KCNMB2: variants seen among roughly 807,000 people sequenced by gnomAD.
KCNMB2 encodes the protein calcium-activated potassium channel subunit beta-2.
A neutral mutation model predicts 24.5 loss-of-function variants in KCNMB2; 9 were observed. The observed-to-expected ratio is 0.37, with a 90% CI of 0.22 to 0.64. The LOEUF (loss-of-function observed/expected upper bound fraction) is 0.64, where lower values mean the gene tolerates loss of function less well. KCNMB2 is among the 30% of genes least tolerant of loss of function. The pLI is 0.63. For synonymous variants in KCNMB2, 109 were observed against 104.4 expected (o/e 1.04, Z -0.27); for missense variants, 226 against 284.3 (o/e 0.79, Z 1.47).
intron 1 of KCNMB2, among the ~76,000 whole-genome samples, chr3:178,691,791 T>C (rs1487293983): frequency 1.3e-5 from 2 of 152,246 alleles, no homozygotes; most frequent in East Asian, 1.9e-4. Context: ...TTGGGTGGAA[T>C]GGTATTTCTG....
chr3:178,645,821 G>T lies in KCNMB2; in HGVS notation c.-68+109110G>T, dbSNP rs112935546. Among the ~76,000 whole-genome samples, 83 of 152,208 alleles carry T rather than the reference G, an allele frequency of 5.5e-4. 1 individual carries two copies. The highest frequency in any genetic ancestry group is 2.0e-3 in the African/African-American group (81 of 41,512). ...ATATGGGTGAGGCACAGCATGAAAGGGTCTGCGAAACATATGTGTCCAAAA... is the reference window on the plus strand; with the variant it reads ...ATATGGGTGAGGCACAGCATGAAAGTGTCTGCGAAACATATGTGTCCAAAA... On this transcript the variant is annotated intron_variant, in intron 1 of 4. Transcript: ENST00000452583.
At chr3:178,775,020 G>C (rs528831190) in intron 1 of KCNMB2, among the ~76,000 whole-genome samples, 78 of 152,278 alleles carry the variant, frequency 5.1e-4, no homozygotes, top group African/African-American at 1.8e-3. Context: ...GTATAGATCT[G>C]CTATCAGAAA....
Position 178,843,258 on chromosome 3 carries a change from T to A in KCNMB2, c.*321T>A, listed in dbSNP as rs1472582127. 2 of 481,606 alleles carry A rather than the reference T, an allele frequency of 4.2e-6. No homozygotes were observed. The highest frequency in any genetic ancestry group is 1.9e-5 in the African/African-American group (1 of 51,282). 29.8% of individuals were successfully genotyped at this position (481,606 alleles called of 1,614,324 possible). A position where few individuals can be genotyped will look rare whatever the true frequency, so the allele number is the denominator to read the frequency against. On this transcript the variant is annotated 3_prime_UTR_variant, in exon 5 of 5. Transcript: ENST00000452583. ...GCTTCGTGGAGGAATGTAGGTGACA[T>A]CAATGTGATAAAGTCTGTGTTCTGA...
rs546590650 is a variant in KCNMB2, at chr3:178,798,653, T to C, written c.-67-8690T>C. On this transcript the variant is annotated intron_variant, in intron 1 of 4. Coordinates refer to ENST00000452583, the MANE Select transcript of KCNMB2 (RefSeq NM_181361.3). The stretch of plus-strand genomic sequence containing the variant: ...AAAACCAAGCACTGCATGTTCTCAC[T>C]TATAAGTGAGAGCTGAACAATGGGA... Among the ~76,000 whole-genome samples the C allele has an allele frequency of 4.6e-5, 7 of 152,154 alleles. No homozygotes were observed. In the South Asian group the frequency reaches 1.5e-3, roughly 32 times the overall value.
At chr3:178,565,612 G>A (rs981873025) in intron 1 of KCNMB2, among the ~76,000 whole-genome samples, 6 of 152,182 alleles carry the variant, frequency 3.9e-5, no homozygotes, top group African/African-American at 1.2e-4. Flanking sequence ...TAAGAGTGTC[G>A]TTCTTTAGAG....
intron 1 of KCNMB2, among the ~76,000 whole-genome samples, chr3:178,724,360 T>G (rs1004684119): frequency 6.6e-6 from 1 of 152,128 alleles, no homozygotes; most frequent in African/African-American, 2.4e-5. Context: ...GGTTGTTTTC[T>G]TCCTGTTGAT....
chr3:178,666,283 C>A (rs769826232), intron 1 of KCNMB2, among the ~76,000 whole-genome samples: 11 of 152,066 alleles, frequency 7.2e-5, no homozygotes, highest in Non-Finnish European at 1.5e-4. Flanking sequence ...AATACTGTGT[C>A]TAAATTTTAA....
chr3:178,780,056 A>T lies in KCNMB2; in HGVS notation c.-67-27287A>T, dbSNP rs1394006083. On this transcript the variant is annotated intron_variant, in intron 1 of 4. Coordinates refer to ENST00000452583, the MANE Select transcript of KCNMB2 (RefSeq NM_181361.3). ...GTGACCAATTAGTTGTTTTTTTTAA[A>T]AAAAAAAAAAAAAAAAGCACTATGA... is the stretch of plus-strand genomic sequence containing the variant. Among the ~76,000 whole-genome samples the T allele has an allele frequency of 4.4e-3, 464 of 105,900 alleles. 3 individuals carry two copies. The highest frequency in any genetic ancestry group is 0.013 in the African/African-American group (443 of 33,372). The allele number at this position is 105,900 out of a possible 152,430, so 69.5% of individuals were successfully genotyped here.
At chr3:178,670,199 G>A (rs1720853810) in intron 1 of KCNMB2, among the ~76,000 whole-genome samples, 1 of 152,062 alleles carries the variant, frequency 6.6e-6, no homozygotes, top group South Asian at 2.1e-4. Context: ...CTCAAAGCAG[G>A]TTTCAAATCC....
intron 1 of KCNMB2, among the ~76,000 whole-genome samples, chr3:178,714,824 G>A (rs1722567468): frequency 1.3e-5 from 2 of 151,752 alleles, no homozygotes; most frequent in Non-Finnish European, 2.9e-5. Context: ...CACTTTCTTA[G>A]ACTTTGAGGA....
chr3:178,583,046 ATGTTCATT>A (rs1337307714), intron 1 of KCNMB2, among the ~76,000 whole-genome samples: 1 of 152,162 alleles, frequency 6.6e-6, no homozygotes, highest in African/African-American at 2.4e-5. Flanking sequence ...AATTTTCTAT[ATGTTCATT>A]TGGTTATAAG....
rs371638510 is a variant in KCNMB2 at position 178,811,435 on chromosome 3, A to G, written c.56+3970A>G. On this transcript the variant is annotated intron_variant, in intron 2 of 4. Transcript: ENST00000452583. ...TTTAAACAATATATTGTTTCCATCCAAATGTTTGGAGACTTCATGTAAATG... is the reference window on the plus strand; with the variant it reads ...TTTAAACAATATATTGTTTCCATCCGAATGTTTGGAGACTTCATGTAAATG... Among the ~76,000 whole-genome samples the G allele has an allele frequency of 3.4e-4, 52 of 152,254 alleles. 1 individual carries two copies. In the South Asian group the frequency reaches 0.011, roughly 31 times the overall value.
chr3:178,821,660 C>T (rs962897792), intron 2 of KCNMB2, among the ~76,000 whole-genome samples: 14 of 152,164 alleles, frequency 9.2e-5, no homozygotes. Context: ...CAGCAGAAGT[C>T]ACCTCTTTGG....
At chr3:178,718,935 A>G (rs1196955781) in intron 1 of KCNMB2, among the ~76,000 whole-genome samples, 1 of 152,190 alleles carries the variant, frequency 6.6e-6, no homozygotes, top group Non-Finnish European at 1.5e-5. Context: ...AGAAGCAGCC[A>G]GAAGACCCCA....
chr3:178,734,300 T>C (rs1415131765), intron 1 of KCNMB2, among the ~76,000 whole-genome samples: 5 of 152,222 alleles, frequency 3.3e-5, no homozygotes, highest in Non-Finnish European at 7.3e-5. Flanking sequence ...GCATCATGCC[T>C]TCACTCAAAA....
chr3:178,684,977 C>CT (rs1353878473), intron 1 of KCNMB2, among the ~76,000 whole-genome samples: 2 of 152,210 alleles, frequency 1.3e-5, no homozygotes, highest in South Asian at 4.1e-4. Flanking sequence ...TTTTCCCTTT[C>CT]TTACCTAAAG....
intron 1 of KCNMB2, among the ~76,000 whole-genome samples, chr3:178,578,207 G>C (rs1159815195): frequency 6.6e-5 from 10 of 152,224 alleles, no homozygotes; most frequent in Admixed American, 5.9e-4. Flanking sequence ...AGCCAGAATA[G>C]AGTGGGGGCC....
At chr3:178,613,460 T>C (rs1157302202) in intron 1 of KCNMB2, among the ~76,000 whole-genome samples, 3 of 152,244 alleles carry the variant, frequency 2.0e-5, no homozygotes, top group Admixed American at 1.3e-4. Flanking sequence ...TTATTGCTCA[T>C]TAATATCCTT....
chr3:178,754,159 T>TATATAG (rs1211088455), intron 1 of KCNMB2, among the ~76,000 whole-genome samples: 19 of 76,362 alleles, frequency 2.5e-4, no homozygotes, highest in Non-Finnish European at 4.1e-4. Flanking sequence ...TGTATATATA[T>TATATAG]ATATATATAT....
Sources: allele counts gnomAD v4.1 joint callset (sites outside exome capture counted in the v4.1 genomes callset), GRCh38; gene constraint gnomAD v4.1.1; transcripts MANE v1.5; gene names NCBI Gene and HGNC (gene_info 2026-07-23, HGNC 2026-07-21).